The following DAGLA variants were observed in gnomAD, a reference collection of about 807,000 sequenced individuals.
DAGLA encodes the protein diacylglycerol lipase alpha.
A neutral mutation model predicts 102.6 loss-of-function variants in DAGLA; 22 were observed. The observed-to-expected ratio is 0.21, with a 90% CI of 0.15 to 0.31. The LOEUF is 0.31. DAGLA is among the 10% of genes least tolerant of loss of function. DAGLA has a pLI of 1.00. For missense variants in DAGLA, 927 were observed against 1,446.6 expected, an observed-to-expected ratio of 0.64 and a Z score of 5.83; for synonymous variants, 578 against 628.9, an observed-to-expected ratio of 0.92 and a Z score of 1.21.
Position 61,732,548 on chromosome 11 carries a change from C to T in DAGLA, c.974+1107C>T, listed in dbSNP as rs148950289. 3.5e-3 allele frequency among the ~76,000 whole-genome samples: 532 copies of T among 152,362 alleles called. 2 individuals carry two copies. Among genetic ancestry groups the T allele is most frequent in the Non-Finnish European group, 6.6e-3 (447 of 68,032 alleles). ...CTGTAACAGGTGGTATCTGTCCTGCCTGCCCATAGGGTGTTTCAGAACCCA... is the reference window on the plus strand; with the variant it reads ...CTGTAACAGGTGGTATCTGTCCTGCTTGCCCATAGGGTGTTTCAGAACCCA... On this transcript the variant is annotated intron_variant, in intron 9 of 19. Coordinates refer to ENST00000257215, the MANE Select transcript of DAGLA (RefSeq NM_006133.3).
In DAGLA at chr11:61,739,446, C is replaced by A; in HGVS notation, c.1657-19C>A. The A allele has an allele frequency of 9.9e-6, 16 of 1,609,678 alleles. No individual in the cohort carries two copies. Among genetic ancestry groups the A allele is most frequent in the Non-Finnish European group, 1.4e-5 (16 of 1,178,840 alleles). ...GCTACTTAGCTCTGTCCCCATCTCT[C>A]CCACTCCACCCCGCGCAGTGGCGGA... is the stretch of plus-strand genomic sequence containing the variant. On this transcript the variant is annotated intron_variant, in intron 16 of 19. Coordinates refer to ENST00000257215, the MANE Select transcript of DAGLA (RefSeq NM_006133.3).
chr11:61,734,104 C>T lies in DAGLA; in HGVS notation c.975-745C>T, dbSNP rs964143536. On this transcript the variant is annotated intron_variant, in intron 9 of 19. Coordinates refer to ENST00000257215, the MANE Select transcript of DAGLA (RefSeq NM_006133.3). This position sits in a 1 kb window ranked among gnomAD's most constrained non-coding sequence, Gnocchi z 4.2. ...GGCCACTCTGTTGCTGAGCTGAGAG[C>T]GTAGGGGCAAGTGCAAGGAGGCCAG... 1.3e-5 allele frequency among the ~76,000 whole-genome samples: 2 copies of T among 151,972 alleles called. No individual in the cohort carries two copies. The highest frequency in any genetic ancestry group is 2.9e-5 in the Non-Finnish European group (2 of 67,992).
chr11:61,731,201 C>T, intron 8 of DAGLA, 116 bp from the exon 9 acceptor site: 1 of 1,316,662 alleles, frequency 7.6e-7, no homozygotes, highest in South Asian at 1.4e-5. Flanking sequence ...AGGGGACCAG[C>T]AACCCCTCCC....
In DAGLA at chr11:61,734,645, T is replaced by G. The variant is rs1591050457; in HGVS notation, c.975-204T>G. On this transcript the variant is annotated intron_variant, in intron 9 of 19. Coordinates refer to ENST00000257215, the MANE Select transcript of DAGLA (RefSeq NM_006133.3). The surrounding 1 kb of genome is among the most constrained non-coding windows in gnomAD (Gnocchi z 4.2). ...AGAGGGAAGGGCCCACAGGGTCAGG[T>G]GCCGCCAAGAGCTCAGTTAAGAGGA... Among the ~76,000 whole-genome samples, 1 of 152,070 alleles carries G rather than the reference T, an allele frequency of 6.6e-6. No homozygotes were observed. The highest frequency in any genetic ancestry group is 2.4e-5 in the African/African-American group (1 of 41,400).
chr11:61,723,399 C>A (rs771628088), intron 4 of DAGLA, 35 bp from the exon 5 acceptor site: 1 of 1,600,172 alleles, frequency 6.2e-7, no homozygotes, highest in Admixed American at 1.7e-5. Flanking sequence ...GTGTCCCCAG[C>A]GCCCCTACCT....
At chr11:61,741,556 G>A (rs914481201) in intron 19 of DAGLA, among the ~76,000 whole-genome samples, 6 of 152,052 alleles carry the variant, frequency 3.9e-5, no homozygotes, top group African/African-American at 1.4e-4. Flanking sequence ...ACATGAGCCA[G>A]GGGAGGCACA....
intron 1 of DAGLA, among the ~76,000 whole-genome samples, chr11:61,712,985 C>A (rs2065207246): frequency 6.6e-6 from 1 of 152,166 alleles, no homozygotes; most frequent in Admixed American, 6.5e-5. Context: ...TTGGTTTCTT[C>A]ATCTGTAAAG....
At chr11:61,728,791 G>A in intron 7 of DAGLA, 140 bp from the exon 8 acceptor site, 1 of 683,934 alleles carries the variant, frequency 1.5e-6, no homozygotes, top group Non-Finnish European at 2.5e-6. Flanking sequence ...GCTGAATCTT[G>A]GAAGAACTAG....
At chr11:61,702,459 C>T (rs977569457) in intron 1 of DAGLA, among the ~76,000 whole-genome samples, 3 of 152,186 alleles carry the variant, frequency 2.0e-5, no homozygotes, top group African/African-American at 7.2e-5. Flanking sequence ...CCAGAGGCTG[C>T]AGACCCTTAT....
At chr11:61,685,320 G>A (rs2064979165) in intron 1 of DAGLA, among the ~76,000 whole-genome samples, 1 of 152,110 alleles carries the variant, frequency 6.6e-6, no homozygotes, top group East Asian at 1.9e-4. Flanking sequence ...TTGCTCTTGC[G>A]GCCGGAATCC....
In DAGLA at chr11:61,707,427, G is replaced by A. The variant is rs540631842; in HGVS notation, c.-44-12685G>A. Among the ~76,000 whole-genome samples, 591 of 152,370 alleles carry A rather than the reference G, an allele frequency of 3.9e-3. 2 individuals carry two copies. The highest frequency in any genetic ancestry group is 8.7e-3 in the South Asian group (42 of 4,832). ...GGGGCCTGATGGGGTTCCCCTCATCGTGGAGGCCTGTTCTCCCCTCTCCTT... is the reference window on the plus strand; with the variant it reads ...GGGGCCTGATGGGGTTCCCCTCATCATGGAGGCCTGTTCTCCCCTCTCCTT... On this transcript the variant is annotated intron_variant, in intron 1 of 19. Transcript: ENST00000257215.
chr11:61,743,362 C>CA (rs374336921), intron 19 of DAGLA, among the ~76,000 whole-genome samples, 170 bp from the exon 20 acceptor site: 1,271 of 50,992 alleles, frequency 0.025, 39 homozygotes, highest in African/African-American at 0.061. Flanking sequence ...GACTCTGTCT[C>CA]AAAAAAAAAA....
chr11:61,691,647 C>A (rs2065025818), intron 1 of DAGLA, among the ~76,000 whole-genome samples: 1 of 152,234 alleles, frequency 6.6e-6, no homozygotes, highest in South Asian at 2.1e-4. Flanking sequence ...CTCCAGGGAG[C>A]GCTTTGGAGC....
chr11:61,691,684 A>G (rs1411255120), intron 1 of DAGLA, among the ~76,000 whole-genome samples: 1 of 152,384 alleles, frequency 6.6e-6, no homozygotes, highest in African/African-American at 2.4e-5. Context: ...TCGAGTCTCC[A>G]TAAAGTGGAG....
At chr11:61,718,532 G>A (rs1440474885) in intron 1 of DAGLA, among the ~76,000 whole-genome samples, 1 of 151,668 alleles carries the variant, frequency 6.6e-6, no homozygotes, top group Non-Finnish European at 1.5e-5. Context: ...ATCTGAAGCT[G>A]GTGCTGTCAG....
chr11:61,693,210 G>T (rs2065038424), intron 1 of DAGLA, among the ~76,000 whole-genome samples: 1 of 151,866 alleles, frequency 6.6e-6, no homozygotes, highest in Non-Finnish European at 1.5e-5. Flanking sequence ...TGGCCAGGCT[G>T]GTCTCGAACT....
At chr11:61,743,357 T>C (rs10897176) in intron 19 of DAGLA, among the ~76,000 whole-genome samples, 175 bp from the exon 20 acceptor site, 136,390 of 145,672 alleles carry the variant, frequency 0.94, 64,307 homozygotes, top group East Asian at 1. Context: ...AGCGAGACTC[T>C]GTCTCAAAAA....
chr11:61,731,468 C>A (rs972170808), intron 9 of DAGLA, 27 bp downstream of exon 9: 6 of 1,610,548 alleles, frequency 3.7e-6, no homozygotes, highest in African/African-American at 1.3e-5. Flanking sequence ...CATCCCCCAG[C>A]GATTGCACCT....
At chr11:61,727,322 G>A (rs1480794437) in intron 6 of DAGLA, among the ~76,000 whole-genome samples, 9 of 152,244 alleles carry the variant, frequency 5.9e-5, no homozygotes, top group Admixed American at 4.6e-4. Flanking sequence ...ATCTGGCTCC[G>A]TTTGGCTCCA....
Sources: gnomAD v4.1 joint callset for allele counts (sites outside exome capture counted in the v4.1 genomes callset) on GRCh38, gnomAD v4.1.1 for gene constraint, Gnocchi (gnomAD v3.1) non-coding constraint, MANE v1.5 for transcripts, NCBI Gene and HGNC (gene_info 2026-07-23, HGNC 2026-07-21) for gene names.